BABAM2: variants seen among roughly 807,000 people sequenced by gnomAD.
BABAM2 encodes the protein BRISC and BRCA1-A complex member 2.
Under a neutral mutation model 54.7 loss-of-function variants are expected in BABAM2, and 31 were observed. That is an observed-to-expected ratio of 0.57 (90% CI 0.43 to 0.77). The LOEUF is 0.77. Ranked by LOEUF, BABAM2 falls within the 30% of genes least tolerant of loss-of-function variation. BABAM2 has a pLI of 0.00. For missense variants in BABAM2, 364 were observed against 455.8 expected, an observed-to-expected ratio of 0.80 and a Z score of 1.83; for synonymous variants, 167 against 162.9, an observed-to-expected ratio of 1.03 and a Z score of -0.19.
chr2:27,991,169 G>T (rs941663199), intron 4 of BABAM2, among the ~76,000 whole-genome samples: 5 of 152,132 alleles, frequency 3.3e-5, no homozygotes, highest in African/African-American at 9.7e-5. Flanking sequence ...CAGATTACTG[G>T]ACCTACTGAA....
In BABAM2 at chr2:27,942,131, G is replaced by A. The variant is rs57403744; in HGVS notation, c.205+12223G>A. Among the ~76,000 whole-genome samples, 870 of 152,220 alleles carry A rather than the reference G, an allele frequency of 5.7e-3. 52 individuals carry two copies. In the East Asian group the frequency reaches 0.14, roughly 24 times the overall value. On this transcript the variant is annotated intron_variant, in intron 3 of 11. Coordinates refer to ENST00000379624, the MANE Select transcript of BABAM2 (RefSeq NM_199191.3). ...CTAGCTAATCAGCTTAATAAACTGA[G>A]AATGCTGCTCATTACTTATGTAGCA...
chr2:28,160,333 T>C (rs1487844865), intron 7 of BABAM2, among the ~76,000 whole-genome samples: 1 of 152,224 alleles, frequency 6.6e-6, no homozygotes, highest in East Asian at 1.9e-4. Flanking sequence ...TGGAGCTTAG[T>C]GTATGGTTAT....
intron 7 of BABAM2, among the ~76,000 whole-genome samples, chr2:28,130,725 C>CTGTTTTT (rs1382403675): frequency 6.6e-6 from 1 of 151,274 alleles, no homozygotes; most frequent in Non-Finnish European, 1.5e-5. Context: ...AAGAATGTTT[C>CTGTTTTT]TGTTTTTTGT....
intron 11 of BABAM2, chr2:28,327,196 A>G (rs990744460): frequency 2.3e-4 from 344 of 1,468,976 alleles, no homozygotes; most frequent in Non-Finnish European, 3.0e-4. Flanking sequence ...TCAGGAGCCC[A>G]TTAGGACTAC....
chr2:28,169,775 CAA>C (rs200601294), intron 7 of BABAM2, among the ~76,000 whole-genome samples: 107 of 100,806 alleles, frequency 1.1e-3, no homozygotes, highest in African/African-American at 1.8e-3. Flanking sequence ...GACTCTGTCT[CAA>C]AAAAAAAAAA....
intron 11 of BABAM2, among the ~76,000 whole-genome samples, chr2:28,323,780 C>T (rs1426584427): frequency 6.6e-6 from 1 of 152,152 alleles, no homozygotes; most frequent in Non-Finnish European, 1.5e-5. Context: ...TTCCTTTGCT[C>T]TTCTGGGGCT....
At chr2:28,260,828 G>A (rs973239575) in intron 10 of BABAM2, among the ~76,000 whole-genome samples, 2 of 151,784 alleles carry the variant, frequency 1.3e-5, no homozygotes, top group Admixed American at 6.6e-5. Context: ...ATTTCCCATA[G>A]CAATGTTTTG....
intron 7 of BABAM2, among the ~76,000 whole-genome samples, chr2:28,194,962 C>T (rs957449824): frequency 6.6e-6 from 1 of 152,228 alleles, no homozygotes; most frequent in African/African-American, 2.4e-5. Flanking sequence ...TCCCAAAGTG[C>T]TGGGATTACA....
intron 6 of BABAM2, among the ~76,000 whole-genome samples, chr2:28,126,329 T>C (rs1393308201): frequency 2.3e-5 from 3 of 131,302 alleles, no homozygotes. Context: ...GAGTGTGATG[T>C]TCCCCTTCCT....
At chr2:27,998,103 A>G (rs908192071) in intron 4 of BABAM2, among the ~76,000 whole-genome samples, 1 of 152,154 alleles carries the variant, frequency 6.6e-6, no homozygotes, top group South Asian at 2.1e-4. Context: ...CAGTGATCCA[A>G]GATCATGCCA....
intron 6 of BABAM2, among the ~76,000 whole-genome samples, chr2:28,105,184 A>G (rs1410743807): frequency 6.6e-6 from 1 of 152,220 alleles, no homozygotes; most frequent in Non-Finnish European, 1.5e-5. Flanking sequence ...AACTTAAAGT[A>G]TAATAAAACA....
chr2:28,018,647 C>G (rs958132056), intron 4 of BABAM2, among the ~76,000 whole-genome samples: 1 of 151,984 alleles, frequency 6.6e-6, no homozygotes, highest in Non-Finnish European at 1.5e-5. Context: ...TAAAAGTGTT[C>G]CCTTTTCACC....
At position 28,241,356 on chromosome 2, in the gene BABAM2, A is replaced by C. The variant is rs1170800645; in HGVS notation, c.814A>C (p.Arg272=). Residue 272 remains arginine, a synonymous_variant, in exon 9 of 12, where the codon AGA becomes CGA. Transcript: ENST00000379624. ...CGTGATTCAAGGGTATCACAAAAGA[A>C]GAGAGTATATTGCTGCTTTTCTCAG... ...QYVIQGYHKR[R]EYIAAFLSHF... The C allele has an allele frequency of 6.2e-7, 1 of 1,614,180 alleles. No homozygotes were observed. Among genetic ancestry groups the C allele is most frequent in the Non-Finnish European group, 8.5e-7 (1 of 1,180,010 alleles).
chr2:28,088,144 A>G (rs940144516), intron 6 of BABAM2, among the ~76,000 whole-genome samples: 1 of 152,220 alleles, frequency 6.6e-6, no homozygotes, highest in Admixed American at 6.5e-5. Context: ...CATAGATGTC[A>G]TAGATTATGG....
At chr2:28,126,665 G>A (rs1416810378) in intron 6 of BABAM2, among the ~76,000 whole-genome samples, 1 of 111,280 alleles carries the variant, frequency 9.0e-6, no homozygotes, top group African/African-American at 3.3e-5. Context: ...ACCCAGTAAT[G>A]GGATGGCTGG....
At chr2:27,973,550 G>A (rs1573302049) in intron 3 of BABAM2, among the ~76,000 whole-genome samples, 6 of 151,878 alleles carry the variant, frequency 4.0e-5, no homozygotes, top group Admixed American at 3.9e-4. Flanking sequence ...TCTCCAGATT[G>A]ACACAGTAAT....
At chr2:28,241,476 T>A in intron 9 of BABAM2, 83 bp downstream of exon 9, 1 of 1,309,790 alleles carries the variant, frequency 7.6e-7, no homozygotes, top group Non-Finnish European at 1.1e-6. Flanking sequence ...ATTAAGAAAA[T>A]AGCACTTAGT....
chr2:28,071,606 T>C (rs1664146125), intron 6 of BABAM2, among the ~76,000 whole-genome samples: 1 of 152,228 alleles, frequency 6.6e-6, no homozygotes, highest in Non-Finnish European at 1.5e-5. Flanking sequence ...GATACTATAA[T>C]TTTATCATTC....
chr2:28,198,023 T>C (rs1318963933), intron 7 of BABAM2, among the ~76,000 whole-genome samples: 2 of 152,114 alleles, frequency 1.3e-5, no homozygotes, highest in Non-Finnish European at 2.9e-5. Flanking sequence ...ACCCCCAAAT[T>C]GCAATAGCCT....
Sources: gnomAD v4.1 joint callset for allele counts (sites outside exome capture counted in the v4.1 genomes callset) on GRCh38, gnomAD v4.1.1 for gene constraint, MANE v1.5 for transcripts, NCBI Gene and HGNC (gene_info 2026-07-23, HGNC 2026-07-21) for gene names.